The following PTPRZ1 variants were observed in gnomAD, a reference collection of about 807,000 sequenced individuals.
PTPRZ1 encodes the protein receptor-type tyrosine-protein phosphatase zeta.
PTPRZ1 carries 82 observed loss-of-function variants against 214.1 expected under a neutral mutation model. That is an observed-to-expected ratio of 0.38 (90% CI 0.32 to 0.46). The LOEUF (loss-of-function observed/expected upper bound fraction) is 0.46, where lower values mean the gene tolerates loss of function less well. Among genes scored for constraint, PTPRZ1 ranks in the 20% least tolerant of loss-of-function variants. PTPRZ1 has a pLI of 1.00. For synonymous variants in PTPRZ1, 945 were observed against 987.9 expected, an observed-to-expected ratio of 0.96 and a Z score of 0.81; for missense variants, 2,603 against 2,748.7, an observed-to-expected ratio of 0.95 and a Z score of 1.19.
intron 15 of PTPRZ1, 154 bp downstream of exon 15, chr7:122,031,713 T>C (rs1001982249): frequency 1.1e-5 from 5 of 470,616 alleles, no homozygotes; most frequent in Non-Finnish European, 1.5e-5. Context: ...TTAGGAGATG[T>C]GTTATAGTTA....
At chr7:121,935,325 C>T (rs574098251) in intron 2 of PTPRZ1, among the ~76,000 whole-genome samples, 2 of 152,076 alleles carry the variant, frequency 1.3e-5, no homozygotes, top group Admixed American at 1.3e-4. Flanking sequence ...AGTATCATTG[C>T]TGGTAGCATC....
At chr7:121,972,755 ATATAATTTGATTAAT>A in intron 4 of PTPRZ1, 63 bp downstream of exon 4, 1 of 1,236,606 alleles carries the variant, frequency 8.1e-7, no homozygotes, top group Non-Finnish European at 1.1e-6. Context: ...TTTATTTAGC[ATATAATTTGATTAAT>A]TTTAAAATCC....
chr7:121,994,128 G>A (rs1290729734), intron 8 of PTPRZ1, among the ~76,000 whole-genome samples: 2 of 151,936 alleles, frequency 1.3e-5, no homozygotes, highest in Admixed American at 6.6e-5. Flanking sequence ...ATTTTGACAC[G>A]TCTACTGATT....
chr7:121,966,205 A>G lies in PTPRZ1; in HGVS notation c.125-1746A>G, dbSNP rs535443744. ...CAGTTTGTGATATGCTAAGTATAAG[A>G]TGCCTTTTAGGTTCCCAGTAGAGAG... On this transcript the variant is annotated intron_variant, in intron 2 of 29. Transcript: ENST00000393386. Among the ~76,000 whole-genome samples the G allele has an allele frequency of 5.9e-5, 9 of 152,306 alleles. No individual in the cohort carries two copies. The East Asian group carries it at 1.5e-3, about 26-fold the overall frequency.
intron 14 of PTPRZ1, among the ~76,000 whole-genome samples, chr7:122,030,665 G>A (rs577928805): frequency 4.6e-5 from 7 of 151,864 alleles, no homozygotes; most frequent in Non-Finnish European, 8.8e-5. Flanking sequence ...CTGAACATCT[G>A]TTGCTATAAA....
Position 122,059,735 on chromosome 7 carries a change from C to CTTT in PTPRZ1, c.6672-8_6672-6dup. 2.3e-6 allele frequency: 3 copies of CTTT among 1,277,568 alleles called. No individual in the cohort carries two copies. Among genetic ancestry groups the CTTT allele is most frequent in the Non-Finnish European group, 2.1e-6 (2 of 931,400 alleles). 79.1% of individuals were successfully genotyped at this position (1,277,568 alleles called of 1,614,324 possible). ...TCTCAATGGAGTCTTTGTTCCTTTTCTTTTTTTTTTTTACAAGGCATGGAG... is the reference window on the plus strand; with the variant it reads ...TCTCAATGGAGTCTTTGTTCCTTTTCTTTTTTTTTTTTTTTACAAGGCATGGAG... On this transcript the variant is annotated splice_polypyrimidine_tract_variant and intron_variant, in intron 28 of 29. Transcript: ENST00000393386.
chr7:122,000,542 A>G (rs1798284588), intron 10 of PTPRZ1, among the ~76,000 whole-genome samples: 2 of 150,070 alleles, frequency 1.3e-5, no homozygotes, highest in South Asian at 4.2e-4. Context: ...TAATTCTATT[A>G]TTATTTAGGA....
chr7:121,957,360 G>A (rs1348804043), intron 2 of PTPRZ1, among the ~76,000 whole-genome samples: 5 of 152,142 alleles, frequency 3.3e-5, no homozygotes, highest in African/African-American at 1.2e-4. Flanking sequence ...CTGGGTGTGG[G>A]ATGCAGCTGG....
intron 11 of PTPRZ1, among the ~76,000 whole-genome samples, chr7:122,008,270 T>C (rs968648857): frequency 2.6e-5 from 4 of 152,114 alleles, no homozygotes; most frequent in African/African-American, 9.7e-5. Context: ...GAACTTTTGC[T>C]GTGAAGGAGA....
intron 4 of PTPRZ1, among the ~76,000 whole-genome samples, chr7:121,973,382 G>A (rs1797316056): frequency 6.6e-6 from 1 of 151,848 alleles, no homozygotes; most frequent in Non-Finnish European, 1.5e-5. Context: ...CATGTTAAGT[G>A]GTATAACCAG....
chr7:121,911,667 T>C (rs1795280982), intron 1 of PTPRZ1, among the ~76,000 whole-genome samples: 1 of 152,060 alleles, frequency 6.6e-6, no homozygotes, highest in African/African-American at 2.4e-5. Context: ...GCCTCTTCCT[T>C]TTCTGAAACT....
chr7:122,028,825 A>G (rs1042295217), intron 14 of PTPRZ1, among the ~76,000 whole-genome samples, 182 bp downstream of exon 14: 1 of 152,106 alleles, frequency 6.6e-6, no homozygotes, highest in Non-Finnish European at 1.5e-5. Context: ...TTCTGTCCTC[A>G]TTAATTTTAA....
intron 1 of PTPRZ1, among the ~76,000 whole-genome samples, chr7:121,875,043 GA>G (rs10562894): frequency 0.29 from 42,933 of 147,036 alleles, 7,729 homozygotes; most frequent in African/African-American, 0.5. Flanking sequence ...GGATCTCTTT[GA>G]AAAAAAAAAA....
intron 12 of PTPRZ1, among the ~76,000 whole-genome samples, chr7:122,015,334 G>A (rs1042099300): frequency 2.0e-5 from 3 of 152,080 alleles, no homozygotes; most frequent in Non-Finnish European, 4.4e-5. Flanking sequence ...ATAGACATCA[G>A]TCTCATTAGA....
chr7:122,037,787 T>A (rs990459741), intron 18 of PTPRZ1, among the ~76,000 whole-genome samples: 12 of 152,190 alleles, frequency 7.9e-5, no homozygotes, highest in African/African-American at 2.7e-4. Context: ...GGAAAGCCAC[T>A]TAACTCCTCT....
At chr7:121,914,411 G>A (rs1382257462) in intron 1 of PTPRZ1, among the ~76,000 whole-genome samples, 1 of 152,064 alleles carries the variant, frequency 6.6e-6, no homozygotes, top group Admixed American at 6.5e-5. Flanking sequence ...TTTATGTATA[G>A]AAAAGGTTCC....
chr7:122,050,458 A>AGG (rs1395912924), intron 23 of PTPRZ1, among the ~76,000 whole-genome samples: 110 of 4,964 alleles, frequency 0.022, 1 homozygote, highest in East Asian at 0.044. Flanking sequence ...GGGAGGGAAA[A>AGG]GGAGAGGAGG....
chr7:121,951,858 A>T (rs555405152), intron 2 of PTPRZ1, among the ~76,000 whole-genome samples: 11 of 152,360 alleles, frequency 7.2e-5, no homozygotes, highest in African/African-American at 2.4e-4. Context: ...GAAACTACTT[A>T]AATATACTGT....
At chr7:121,989,484 C>T (rs538515733) in intron 8 of PTPRZ1, among the ~76,000 whole-genome samples, 2 of 150,768 alleles carry the variant, frequency 1.3e-5, no homozygotes, top group Non-Finnish European at 2.9e-5. Flanking sequence ...GAGTGATTCT[C>T]CTGCCTCAGC....
Sources: allele counts gnomAD v4.1 joint callset (sites outside exome capture counted in the v4.1 genomes callset), GRCh38; gene constraint gnomAD v4.1.1; transcripts MANE v1.5; gene names NCBI Gene and HGNC (gene_info 2026-07-23, HGNC 2026-07-21).